The following SSH1 variants were observed in gnomAD, a reference collection of about 807,000 sequenced individuals.
SSH1 encodes the protein protein phosphatase Slingshot homolog 1.
Under a neutral mutation model 79.7 loss-of-function variants are expected in SSH1, and 43 were observed. That is an observed-to-expected ratio of 0.54 (90% confidence interval 0.42 to 0.70). The LOEUF is 0.70. Ranked by LOEUF, SSH1 falls within the 30% of genes least tolerant of loss-of-function variation. The pLI, the probability that SSH1 is intolerant of heterozygous loss-of-function variation, is 0.00. For missense variants in SSH1, 1,206 were observed against 1,358.8 expected (o/e 0.89, Z 1.77); for synonymous variants, 599 against 538.3 (o/e 1.11, Z -1.56).
chr12:108,819,733 G>A (rs2038045168), intron 3 of SSH1, among the ~76,000 whole-genome samples: 1 of 152,150 alleles, frequency 6.6e-6, no homozygotes. Flanking sequence ...GGAGGCCAAG[G>A]CAGGAGGATC....
At position 108,857,502 on chromosome 12, in the gene SSH1, C is replaced by T; in HGVS notation, c.-6G>A. The T allele has an allele frequency of 2.7e-6, 3 of 1,131,844 alleles. No individual in the cohort carries two copies. The highest frequency in any genetic ancestry group is 2.2e-6 in the Non-Finnish European group (2 of 904,836). The allele number at this position is 1,131,844 out of a possible 1,614,324, so 70.1% of individuals were successfully genotyped here. A position where few individuals can be genotyped will look rare whatever the true frequency, so the allele number is the denominator to read the frequency against. ...TGCAGGGTCACCAGGGCCATGGCTG[C>T]GGCGCGGTGCGAGGGCGCCACAGAC... is the stretch of plus-strand genomic sequence containing the variant. On this transcript the variant is annotated 5_prime_UTR_variant, in exon 1 of 15. Coordinates refer to ENST00000326495, the MANE Select transcript of SSH1 (RefSeq NM_018984.4). This position sits in a 1 kb window ranked among gnomAD's most constrained non-coding sequence, Gnocchi z 4.7.
In SSH1 at chr12:108,780,662, A is replaced by G. The variant is rs558129134; in HGVS notation, c.*7326T>C. On this transcript the variant is annotated 3_prime_UTR_variant, in exon 15 of 15. Coordinates refer to ENST00000326495, the MANE Select transcript of SSH1 (RefSeq NM_018984.4). ...GCTATCTTCAACCTTGCCAGAGAAC[A>G]GTGTCTTGAACCATGACCCTCAGTG... 5.3e-5 allele frequency: 8 copies of G among 152,214 alleles called. No individual in the cohort carries two copies. Among genetic ancestry groups the G allele is most frequent in the Non-Finnish European group, 7.3e-5 (5 of 68,038 alleles). 9.4% of individuals were successfully genotyped at this position (152,214 alleles called of 1,614,324 possible).
Position 108,857,099 on chromosome 12 carries a change from G to A in SSH1, c.69+329C>T, listed in dbSNP as rs1382462579. On this transcript the variant is annotated intron_variant, in intron 1 of 14. Coordinates refer to ENST00000326495, the MANE Select transcript of SSH1 (RefSeq NM_018984.4). This position sits in a 1 kb window ranked among gnomAD's most constrained non-coding sequence, Gnocchi z 4.7. ...CCTAACAGGGGTCACCCCAAGATGG[G>A]GGTAACCCCCTGATGTGGGTCACAG... Among the ~76,000 whole-genome samples the A allele has an allele frequency of 6.6e-6, 1 of 152,190 alleles. No homozygotes were observed. Among genetic ancestry groups the A allele is most frequent in the African/African-American group, 2.4e-5 (1 of 41,438 alleles).
Position 108,779,637 on chromosome 12 carries a change from A to C in SSH1, c.*8351T>G, listed in dbSNP as rs529864945. 3 of 152,292 alleles carry C rather than the reference A, an allele frequency of 2.0e-5. No individual in the cohort carries two copies. The East Asian group carries it at 5.8e-4, about 29-fold the overall frequency. The allele number at this position is 152,292 out of a possible 1,614,324, so 9.4% of individuals were successfully genotyped here. A position where few individuals can be genotyped will look rare whatever the true frequency, so the allele number is the denominator to read the frequency against. ...GATCCCAAGGTAGTCCAAAGAGTTC[A>C]AGAAAGTTAGAAAAAGGACTCTCCT... On this transcript the variant is annotated 3_prime_UTR_variant, in exon 15 of 15. Transcript: ENST00000326495.
intron 2 of SSH1, among the ~76,000 whole-genome samples, chr12:108,847,022 G>C (rs1382995453): frequency 3.3e-5 from 5 of 152,050 alleles, no homozygotes; most frequent in African/African-American, 1.2e-4. Flanking sequence ...TCAACCTCTT[G>C]AGTAGCTGGG....
chr12:108,838,972 C>T (rs2038710128), intron 2 of SSH1, among the ~76,000 whole-genome samples: 3 of 152,156 alleles, frequency 2.0e-5, no homozygotes, highest in Admixed American at 6.5e-5. Flanking sequence ...CTTCGTGTCC[C>T]GATTTTCTCA....
intron 1 of SSH1, chr12:108,853,483 A>G: frequency 2.7e-6 from 1 of 364,618 alleles, no homozygotes; most frequent in Non-Finnish European, 3.8e-6. Context: ...AAACCTGGAA[A>G]GCTGTGATGG....
rs112852701 is a variant in SSH1 at position 108,848,476 on chromosome 12, T to C, written c.110+4162A>G. Among the ~76,000 whole-genome samples, 9 of 152,240 alleles carry C rather than the reference T, an allele frequency of 5.9e-5. 1 individual carries two copies. Among genetic ancestry groups the C allele is most frequent in the South Asian group, 2.1e-4 (1 of 4,826 alleles). On this transcript the variant is annotated intron_variant, in intron 2 of 14. Transcript: ENST00000326495. ...GATGGCAGCTCACCTTCAGGATCCA[T>C]TGGAAACAAAGAGAAATCTCTCCCT...
intron 5 of SSH1, among the ~76,000 whole-genome samples, chr12:108,812,393 C>T (rs1300979791): frequency 6.6e-6 from 1 of 152,228 alleles, no homozygotes; most frequent in African/African-American, 2.4e-5. Context: ...CAGATGGTGC[C>T]CTGAGAACGT....
intron 5 of SSH1, 22 bp from the exon 6 acceptor site, chr12:108,811,350 A>C (rs755877057): frequency 6.2e-7 from 1 of 1,612,430 alleles, no homozygotes; most frequent in Non-Finnish European, 8.5e-7. Context: ...GAGAGAAGAC[A>C]TGTGGAGTCA....
chr12:108,788,623 G>A lies in SSH1; in HGVS notation c.2515C>T (p.Pro839Ser). Residue 839 changes from proline (P) to serine (S), a missense_variant, in exon 15 of 15, where the codon CCA becomes TCA. Coordinates refer to ENST00000326495, the MANE Select transcript of SSH1 (RefSeq NM_018984.4). The stretch of plus-strand genomic sequence containing the variant: ...GGGCCATCCCTGGAGGGAGGTGCTG[G>A]GTCTGCAGGCACGCTCTTCAGCCGC... ...LERLKSVPAD[P>S]APPSRDGPAS... 6.2e-7 allele frequency: 1 copy of A among 1,611,654 alleles called. No homozygotes were observed. Among genetic ancestry groups the A allele is most frequent in the South Asian group, 1.1e-5 (1 of 91,048 alleles).
rs76110455 is a variant in SSH1, at chr12:108,811,701, G to A, written c.402-373C>T. ...TGTCCTGGGTGGCGGCAGGGGGAGCGTGCTCACACCGTTCCCGGAGCTCAC... is the reference window on the plus strand; with the variant it reads ...TGTCCTGGGTGGCGGCAGGGGGAGCATGCTCACACCGTTCCCGGAGCTCAC... On this transcript the variant is annotated intron_variant, in intron 5 of 14. Coordinates refer to ENST00000326495, the MANE Select transcript of SSH1 (RefSeq NM_018984.4). The A allele has an allele frequency of 4.7e-3, 1,654 of 354,744 alleles. 12 individuals carry two copies. Among genetic ancestry groups the A allele is most frequent in the African/African-American group, 0.023 (1,102 of 47,500 alleles). The allele number at this position is 354,744 out of a possible 1,614,324, so 22.0% of individuals were successfully genotyped here.
At chr12:108,830,656 CA>C (rs752174971) in intron 2 of SSH1, among the ~76,000 whole-genome samples, 48 of 151,986 alleles carry the variant, frequency 3.2e-4, no homozygotes, top group Non-Finnish European at 6.0e-4. Context: ...ATGCTAGGGT[CA>C]AAAACAAAAT....
Position 108,799,179 on chromosome 12 carries a change from C to T in SSH1, c.1170G>A (p.Leu390=). ...GACTCACGCCCATTTTGCAATGCACCAGGCACTTGGAATGGTTCCTCCTGC... is the reference window on the plus strand; with the variant it reads ...GACTCACGCCCATTTTGCAATGCACTAGGCACTTGGAATGGTTCCTCCTGC... ...NKAKRNHSKC[L]VHCKMGVSRS... is the part of the protein sequence containing the mutation. The change falls in exon 13 of 15, where the codon CTG becomes CTA. Residue 390 remains leucine (L), a synonymous_variant. Coordinates refer to ENST00000326495, the MANE Select transcript of SSH1 (RefSeq NM_018984.4). The T allele has an allele frequency of 6.2e-7, 1 of 1,613,826 alleles. No homozygotes were observed. Among genetic ancestry groups the T allele is most frequent in the Non-Finnish European group, 8.5e-7 (1 of 1,179,846 alleles).
chr12:108,842,319 A>G (rs1173459799), intron 2 of SSH1, among the ~76,000 whole-genome samples: 1 of 152,206 alleles, frequency 6.6e-6, no homozygotes, highest in Non-Finnish European at 1.5e-5. Context: ...GCCACTACCT[A>G]CAAGGCCACA....
chr12:108,843,311 C>T (rs958059051), intron 2 of SSH1, among the ~76,000 whole-genome samples: 3 of 152,164 alleles, frequency 2.0e-5, no homozygotes, highest in Non-Finnish European at 4.4e-5. Flanking sequence ...TCCAAGACCA[C>T]TTTTAGTTGC....
At chr12:108,856,830 G>A (rs2039154334) in intron 1 of SSH1, among the ~76,000 whole-genome samples, 1 of 152,220 alleles carries the variant, frequency 6.6e-6, no homozygotes, top group Non-Finnish European at 1.5e-5. Flanking sequence ...CTCAGAACCA[G>A]CGGCTCACGC....
rs548907773 is a variant in SSH1 at position 108,842,097 on chromosome 12, C to A, written c.110+10541G>T. Reference sequence around the variant, plus strand: ...TGAGCTGTAATCATGCCACTGTACTCCAGTCTGGGCAACAGAGCAAGACTC... The same window carrying A: ...TGAGCTGTAATCATGCCACTGTACTACAGTCTGGGCAACAGAGCAAGACTC... On this transcript the variant is annotated intron_variant, in intron 2 of 14. Transcript: ENST00000326495. 3.9e-5 allele frequency among the ~76,000 whole-genome samples: 6 copies of A among 152,072 alleles called. No homozygotes were observed. The South Asian group carries it at 1.2e-3, about 32-fold the overall frequency.
At chr12:108,830,955 C>A (rs1693723816) in intron 2 of SSH1, among the ~76,000 whole-genome samples, 1 of 152,002 alleles carries the variant, frequency 6.6e-6, no homozygotes, top group African/African-American at 2.4e-5. Flanking sequence ...TCAGATCAGA[C>A]CTTTGACAAA....
Sources: gnomAD v4.1 joint callset for allele counts (sites outside exome capture counted in the v4.1 genomes callset) on GRCh38, gnomAD v4.1.1 for gene constraint, Gnocchi (gnomAD v3.1) non-coding constraint, MANE v1.5 for transcripts, NCBI Gene and HGNC (gene_info 2026-07-23, HGNC 2026-07-21) for gene names.